Variants in KATNIP observed in about 807,000 individuals in gnomAD.
KATNIP encodes the protein katanin-interacting protein.
A neutral mutation model predicts 174.0 loss-of-function variants in KATNIP; 126 were observed. That is an observed-to-expected ratio of 0.72 (90% CI 0.63 to 0.84). KATNIP has a LOEUF of 0.84. Ranked by LOEUF, KATNIP falls within the 40% of genes least tolerant of loss-of-function variation. The pLI, the probability that KATNIP is intolerant of heterozygous loss-of-function variation, is 0.00. For synonymous variants in KATNIP, 810 were observed against 835.7 expected, an observed-to-expected ratio of 0.97 and a Z score of 0.53; for missense variants, 1,958 against 2,109.7, an observed-to-expected ratio of 0.93 and a Z score of 1.41.
chr16:27,763,619 C>CAAAAA (rs565418198), intron 19 of KATNIP, among the ~76,000 whole-genome samples: 64 of 50,004 alleles, frequency 1.3e-3, no homozygotes, highest in African/African-American at 2.0e-3. Flanking sequence ...TGTCTCAACA[C>CAAAAA]AAAAAAAAAA....
chr16:27,770,036 G>T lies in KATNIP; in HGVS notation c.4133+18G>T. On this transcript the variant is annotated intron_variant, in intron 21 of 27. Coordinates refer to ENST00000261588, the MANE Select transcript of KATNIP (RefSeq NM_015202.5). ...GCCAGGAGGTGAGGAGAAAGTGGGCGCCACACACAGCCCCTCCCGGCCCCT... is the reference window on the plus strand; with the variant it reads ...GCCAGGAGGTGAGGAGAAAGTGGGCTCCACACACAGCCCCTCCCGGCCCCT... 6.2e-7 allele frequency: 1 copy of T among 1,607,550 alleles called. No individual in the cohort carries two copies. Among genetic ancestry groups the T allele is most frequent in the Non-Finnish European group, 8.5e-7 (1 of 1,174,766 alleles).
chr16:27,721,108 GCTTT>G (rs2080219448), intron 13 of KATNIP, among the ~76,000 whole-genome samples: 1 of 152,156 alleles, frequency 6.6e-6, no homozygotes, highest in Non-Finnish European at 1.5e-5. Context: ...TGAGCTAGTA[GCTTT>G]CTTTCTTTTC....
chr16:27,708,382 A>G (rs1274277920), intron 12 of KATNIP: 3 of 253,134 alleles, frequency 1.2e-5, no homozygotes, highest in Non-Finnish European at 2.3e-5. Flanking sequence ...GGTACCGAAC[A>G]CTGAGTAGTG....
intron 3 of KATNIP, 180 bp from the exon 4 acceptor site, chr16:27,628,481 T>A (rs2076392821): frequency 1.6e-6 from 1 of 629,280 alleles, no homozygotes. Context: ...CCCTCGTGGC[T>A]TCTCTAAGTG....
intron 1 of KATNIP, among the ~76,000 whole-genome samples, chr16:27,561,188 T>A (rs1234402063): frequency 1.6e-5 from 2 of 127,362 alleles, no homozygotes; most frequent in African/African-American, 5.6e-5. Flanking sequence ...ATTTTTGTAT[T>A]TTTTTTTTTT....
At chr16:27,668,313 T>C (rs1597115909) in intron 6 of KATNIP, among the ~76,000 whole-genome samples, 1 of 151,808 alleles carries the variant, frequency 6.6e-6, no homozygotes, top group Non-Finnish European at 1.5e-5. Flanking sequence ...AGGTGGGAGG[T>C]GATTGAATTA....
At chr16:27,599,758 T>C (rs1380224488) in intron 2 of KATNIP, among the ~76,000 whole-genome samples, 1 of 152,232 alleles carries the variant, frequency 6.6e-6, no homozygotes, top group East Asian at 1.9e-4. Flanking sequence ...GAGCACCATG[T>C]GGCTTCCCAG....
At chr16:27,614,066 C>T (rs1400125926) in intron 2 of KATNIP, among the ~76,000 whole-genome samples, 1 of 151,902 alleles carries the variant, frequency 6.6e-6, no homozygotes, top group African/African-American at 2.4e-5. Flanking sequence ...CAGGCTTGCA[C>T]CACCACACCA....
At chr16:27,716,850 C>T (rs2079964614) in intron 13 of KATNIP, among the ~76,000 whole-genome samples, 1 of 143,954 alleles carries the variant, frequency 6.9e-6, no homozygotes, top group South Asian at 2.1e-4. Flanking sequence ...ATTTACGTAG[C>T]ATTTTTTTTT....
At chr16:27,581,928 C>T (rs1186195969) in intron 2 of KATNIP, among the ~76,000 whole-genome samples, 1 of 152,144 alleles carries the variant, frequency 6.6e-6, no homozygotes, top group Non-Finnish European at 1.5e-5. Context: ...TAATTCATTC[C>T]TTTTTATGGC....
At chr16:27,591,293 TCCTGCC>T (rs2141861651) in intron 2 of KATNIP, among the ~76,000 whole-genome samples, 1 of 152,114 alleles carries the variant, frequency 6.6e-6, no homozygotes, top group Non-Finnish European at 1.5e-5. Flanking sequence ...CAAGCAATTC[TCCTGCC>T]CCAGCCTCCT....
chr16:27,723,764 G>A (rs892111966), intron 14 of KATNIP, among the ~76,000 whole-genome samples: 1 of 152,112 alleles, frequency 6.6e-6, no homozygotes, highest in Non-Finnish European at 1.5e-5. Flanking sequence ...GAGGCAGAGC[G>A]GGGAACCTAG....
Position 27,778,579 on chromosome 16 carries a change from C to T in KATNIP, c.4807C>T (p.Arg1603Cys), listed in dbSNP as rs965103972. 1.1e-4 allele frequency: 174 copies of T among 1,613,664 alleles called. 1 individual carries two copies. In the South Asian group the frequency reaches 1.2e-3, roughly 11 times the overall value. Residue 1603 changes from arginine to cysteine, a missense_variant, in exon 28 of 28, where the codon CGT becomes TGT. This residue lies in a region of KATNIP where 383 missense variants were observed against 456.0 expected (regional missense o/e 0.84). Transcript: ENST00000261588. ...RKQSVVDPAL[R>C]PKTCISEKET... Reference sequence around the variant, plus strand: ...TCTGTTCCCTGTCATGACAGCCTTACGTCCCAAAACCTGCATCAGCGAGAA... The same window carrying T: ...TCTGTTCCCTGTCATGACAGCCTTATGTCCCAAAACCTGCATCAGCGAGAA...
chr16:27,690,362 ATGATAGATAGATAG>A lies in KATNIP; in HGVS notation c.941-7965_941-7952del, dbSNP rs2078682051. On this transcript the variant is annotated intron_variant, in intron 8 of 27. Transcript: ENST00000261588. ...GATAGATAGATAGATAGATAGATAG[ATGATAGATAGATAG>A]ATAGATAGATAGAAAAATAAATAAA... Among the ~76,000 whole-genome samples the A allele has an allele frequency of 9.8e-5, 10 of 102,052 alleles. No individual in the cohort carries two copies. The Admixed American group carries it at 1.1e-3, about 11-fold the overall frequency. The allele number at this position is 102,052 out of a possible 152,430, so 67.0% of individuals were successfully genotyped here.
chr16:27,722,741 A>C (rs1376474351), intron 14 of KATNIP, among the ~76,000 whole-genome samples: 2 of 152,220 alleles, frequency 1.3e-5, no homozygotes, highest in Non-Finnish European at 2.9e-5. Context: ...AGGGAAAAGG[A>C]AGGCCACTTT....
intron 5 of KATNIP, among the ~76,000 whole-genome samples, chr16:27,648,292 C>CAAA (rs74809919): frequency 9.6e-6 from 1 of 104,134 alleles, no homozygotes; most frequent in African/African-American, 3.6e-5. Context: ...GATCCTGACT[C>CAAA]AAAAAAAAAA....
At chr16:27,670,486 T>C (rs2077856675) in intron 6 of KATNIP, among the ~76,000 whole-genome samples, 1 of 152,240 alleles carries the variant, frequency 6.6e-6, no homozygotes, top group Non-Finnish European at 1.5e-5. Flanking sequence ...AGCTCATGAA[T>C]GCCGTCTGTA....
rs34902124 is a variant in KATNIP at position 27,644,019 on chromosome 16, C to CT, written c.409-4564dup. Reference sequence around the variant, plus strand: ...CTAGTCCATCTTCCAGAGACATAATCTTTTTTTTTTTTTTTTTTTTTAAGC... The same window carrying CT: ...CTAGTCCATCTTCCAGAGACATAATCTTTTTTTTTTTTTTTTTTTTTTAAGC... On this transcript the variant is annotated intron_variant, in intron 5 of 27. Transcript: ENST00000261588. Among the ~76,000 whole-genome samples the CT allele has an allele frequency of 6.9e-3, 704 of 102,448 alleles. 3 individuals carry two copies. The highest frequency in any genetic ancestry group is 0.014 in the African/African-American group (388 of 27,068). The allele number at this position is 102,448 out of a possible 152,430, so 67.2% of individuals were successfully genotyped here.
chr16:27,605,711 A>G (rs2075679976), intron 2 of KATNIP, among the ~76,000 whole-genome samples: 1 of 152,216 alleles, frequency 6.6e-6, no homozygotes, highest in African/African-American at 2.4e-5. Context: ...TCTAGGGGGC[A>G]GTATCAACCG....
Sources: allele counts gnomAD v4.1 joint callset (sites outside exome capture counted in the v4.1 genomes callset), GRCh38; gene constraint gnomAD v4.1.1; regional missense constraint gnomAD v4.1.1; transcripts MANE v1.5; gene names NCBI Gene and HGNC (gene_info 2026-07-23, HGNC 2026-07-21).